The following GPR158 variants were observed in gnomAD, a reference collection of about 807,000 sequenced individuals.
GPR158 encodes metabotropic glycine receptor.
Under a neutral mutation model 78.2 loss-of-function variants are expected in GPR158, and 30 were observed. That is an observed-to-expected ratio of 0.38 (90% CI 0.29 to 0.52). The LOEUF is 0.52. Ranked by LOEUF, GPR158 falls within the 20% of genes least tolerant of loss-of-function variation. The pLI, the probability that GPR158 is intolerant of heterozygous loss-of-function variation, is 0.83. For synonymous variants in GPR158, 581 were observed against 591.1 expected (o/e 0.98, Z 0.25); for missense variants, 1,463 against 1,523.5 (o/e 0.96, Z 0.66).
At chr10:25,437,172 C>A (rs951900194) in intron 4 of GPR158, among the ~76,000 whole-genome samples, 2 of 152,164 alleles carry the variant, frequency 1.3e-5, no homozygotes, top group Admixed American at 6.5e-5. Flanking sequence ...TATTTTTAGT[C>A]TTTTCTTTAT....
At chr10:25,388,203 T>G (rs1415870001) in intron 2 of GPR158, among the ~76,000 whole-genome samples, 1 of 152,182 alleles carries the variant, frequency 6.6e-6, no homozygotes, top group Non-Finnish European at 1.5e-5. Flanking sequence ...TATTCAGGGG[T>G]ACAATAATGA....
chr10:25,552,743 T>G (rs1836743001), intron 6 of GPR158, among the ~76,000 whole-genome samples: 1 of 152,188 alleles, frequency 6.6e-6, no homozygotes, highest in African/African-American at 2.4e-5. Context: ...CCCATTCATA[T>G]TCCCCTGACT....
intron 5 of GPR158, among the ~76,000 whole-genome samples, chr10:25,477,875 T>A (rs1461118693): frequency 6.6e-6 from 1 of 152,200 alleles, no homozygotes; most frequent in East Asian, 1.9e-4. Context: ...ATCTGGACTT[T>A]TCAGGAAGCT....
chr10:25,304,694 G>C (rs1854644282), intron 2 of GPR158, among the ~76,000 whole-genome samples: 2 of 152,020 alleles, frequency 1.3e-5, no homozygotes, highest in Non-Finnish European at 2.9e-5. Context: ...TTACATATGA[G>C]GATCGACGAA....
At chr10:25,413,984 T>C (rs943322715) in intron 4 of GPR158, among the ~76,000 whole-genome samples, 5 of 152,222 alleles carry the variant, frequency 3.3e-5, no homozygotes, top group African/African-American at 1.2e-4. Context: ...GATAAAATTA[T>C]AGGTTTTGTA....
At chr10:25,587,316 C>G (rs1348856409) in intron 7 of GPR158, among the ~76,000 whole-genome samples, 2 of 152,098 alleles carry the variant, frequency 1.3e-5, no homozygotes, top group African/African-American at 2.4e-5. Flanking sequence ...TCAAAGAAAC[C>G]ACAAATATCA....
intron 1 of GPR158, among the ~76,000 whole-genome samples, chr10:25,195,667 A>G (rs538709803): frequency 6.6e-6 from 1 of 152,222 alleles, no homozygotes; most frequent in Non-Finnish European, 1.5e-5. Flanking sequence ...GATTAGTTCA[A>G]CAACTGTGTG....
chr10:25,598,641 G>A lies in GPR158; in HGVS notation c.3015G>A (p.Glu1005=), dbSNP rs757154703. 2 of 1,613,958 alleles carry A rather than the reference G, an allele frequency of 1.2e-6. No individual in the cohort carries two copies. The highest frequency in any genetic ancestry group is 1.7e-6 in the Non-Finnish European group (2 of 1,180,024). The part of the protein sequence containing the change: ...TQMKDNFDIG[E]VCPWEVYDLT... ...TGAAGGACAACTTTGACATTGGGGA[G>A]GTGTGTCCTTGGGAGGTTTATGACC... The change falls in exon 11 of 11, where the codon GAG becomes GAA. Residue 1005 remains glutamate (E), a synonymous_variant. Coordinates refer to ENST00000376351, the MANE Select transcript of GPR158 (RefSeq NM_020752.3).
At chr10:25,410,355 C>T (rs1324616948) in intron 3 of GPR158, among the ~76,000 whole-genome samples, 4 of 152,156 alleles carry the variant, frequency 2.6e-5, no homozygotes, top group Admixed American at 1.3e-4. Context: ...CGGTGGCTCA[C>T]ACCTGTAATC....
chr10:25,348,581 T>C (rs1855408142), intron 2 of GPR158, among the ~76,000 whole-genome samples: 1 of 151,986 alleles, frequency 6.6e-6, no homozygotes, highest in Non-Finnish European at 1.5e-5. Flanking sequence ...CTATCAGCCC[T>C]ACCTGGCATT....
chr10:25,332,641 T>C (rs79543308), intron 2 of GPR158, among the ~76,000 whole-genome samples: 5,499 of 152,298 alleles, frequency 0.036, 125 homozygotes, highest in African/African-American at 0.074. Flanking sequence ...CCATACTTTC[T>C]GACTTTCATT....
At chr10:25,590,596 C>T (rs1837329484) in intron 8 of GPR158, among the ~76,000 whole-genome samples, 1 of 152,124 alleles carries the variant, frequency 6.6e-6, no homozygotes, top group South Asian at 2.1e-4. Flanking sequence ...GAATATCAAG[C>T]ATATTCCAAG....
intron 2 of GPR158, among the ~76,000 whole-genome samples, chr10:25,281,961 A>G (rs1396848671): frequency 6.6e-6 from 1 of 152,170 alleles, no homozygotes; most frequent in Admixed American, 6.5e-5. Context: ...TCTTTTACCA[A>G]TTTTACATTT....
chr10:25,508,257 A>G (rs1418631418), intron 5 of GPR158, among the ~76,000 whole-genome samples: 3 of 152,148 alleles, frequency 2.0e-5, no homozygotes, highest in Non-Finnish European at 4.4e-5. Context: ...CAAATCAGGG[A>G]AAGTCACCTC....
chr10:25,596,743 T>A lies in GPR158; in HGVS notation c.2099T>A (p.Ile700Asn). The A allele has an allele frequency of 6.2e-7, 1 of 1,613,798 alleles. No individual in the cohort carries two copies. Among genetic ancestry groups the A allele is most frequent in the South Asian group, 1.1e-5 (1 of 91,060 alleles). Residue 700 changes from isoleucine to asparagine, a missense_variant, in exon 10 of 11, where the codon ATC (isoleucine) becomes AAC (asparagine). Ile to Asn is a moderately radical substitution (Grantham distance 149). Coordinates refer to ENST00000376351, the MANE Select transcript of GPR158 (RefSeq NM_020752.3). ...TCTGGATCCTACCTGAACAGCAGTA[T>A]CAATTCAGCCTGGAGTGAGCACAGC... Reference protein sequence around the residue: ...GRSGSYLNSSINSAWSEHSLD... With the variant: ...GRSGSYLNSSNNSAWSEHSLD...
intron 4 of GPR158, among the ~76,000 whole-genome samples, chr10:25,428,521 A>G (rs1834853336): frequency 1.3e-5 from 2 of 152,062 alleles, no homozygotes; most frequent in African/African-American, 2.4e-5. Flanking sequence ...TAAAAAGCAT[A>G]TGTACTCCAA....
At chr10:25,446,999 G>A (rs1182261714) in intron 4 of GPR158, among the ~76,000 whole-genome samples, 1 of 152,022 alleles carries the variant, frequency 6.6e-6, no homozygotes, top group African/African-American at 2.4e-5. Context: ...CGTTATCTGA[G>A]GCCAGGAAAA....
intron 10 of GPR158, among the ~76,000 whole-genome samples, chr10:25,597,518 G>C (rs189280984): frequency 8.1e-4 from 123 of 151,986 alleles, no homozygotes; most frequent in African/African-American, 2.8e-3. Flanking sequence ...AAATCAGAAG[G>C]TGCTTGCTCC....
chr10:25,573,825 T>C (rs1022422850), intron 7 of GPR158, among the ~76,000 whole-genome samples: 1 of 152,154 alleles, frequency 6.6e-6, no homozygotes, highest in African/African-American at 2.4e-5. Context: ...TGGAGGAATA[T>C]TTTTCTGGGC....
Sources: allele counts gnomAD v4.1 joint callset (sites outside exome capture counted in the v4.1 genomes callset), GRCh38; gene constraint gnomAD v4.1.1; transcripts MANE v1.5; gene names NCBI Gene and HGNC (gene_info 2026-07-23, HGNC 2026-07-21).